Variants in SLC24A3 observed in about 807,000 individuals in gnomAD.
The protein encoded by SLC24A3 is solute carrier family 24 member 3, also known as sodium/potassium/calcium exchanger 3.
A neutral mutation model predicts 75.8 loss-of-function variants in SLC24A3; 28 were observed. The ratio of observed to expected loss-of-function variants is 0.37; its 90% CI spans 0.27 to 0.51. The LOEUF is 0.51. SLC24A3 is among the 20% of genes least tolerant of loss of function. The pLI, the probability that SLC24A3 is intolerant of heterozygous loss-of-function variation, is 0.94. For synonymous variants in SLC24A3, 372 were observed against 334.1 expected (o/e 1.11, Z -1.24); for missense variants, 663 against 847.8 (o/e 0.78, Z 2.71).
intron 15 of SLC24A3, among the ~76,000 whole-genome samples, chr20:19,702,102 T>C (rs1408279034): frequency 6.6e-6 from 1 of 152,226 alleles, no homozygotes; most frequent in South Asian, 2.1e-4. Flanking sequence ...TGACTAGACA[T>C]GGATATCAGG....
At chr20:19,249,366 C>T (rs1353998967) in intron 1 of SLC24A3, among the ~76,000 whole-genome samples, 1 of 152,176 alleles carries the variant, frequency 6.6e-6, no homozygotes. Context: ...GAAATATCTT[C>T]AAGCATTTCT....
intron 6 of SLC24A3, among the ~76,000 whole-genome samples, chr20:19,627,549 A>G (rs1349718438): frequency 1.3e-5 from 2 of 148,914 alleles, no homozygotes; most frequent in Non-Finnish European, 2.9e-5. Context: ...GATGGGGGGA[A>G]AAAAAGGCAC....
At chr20:19,316,528 A>G (rs1984592203) in intron 2 of SLC24A3, among the ~76,000 whole-genome samples, 2 of 152,232 alleles carry the variant, frequency 1.3e-5, no homozygotes, top group Non-Finnish European at 2.9e-5. Context: ...AGTCAAATAA[A>G]AAAATCCAAT....
At chr20:19,408,089 A>G (rs1035573802) in intron 2 of SLC24A3, among the ~76,000 whole-genome samples, 1 of 152,208 alleles carries the variant, frequency 6.6e-6, no homozygotes, top group Non-Finnish European at 1.5e-5. Flanking sequence ...GTGGGAATAA[A>G]ATGTTGAGTA....
chr20:19,569,605 C>T (rs1600284352), intron 3 of SLC24A3, among the ~76,000 whole-genome samples: 1 of 152,294 alleles, frequency 6.6e-6, no homozygotes, highest in Non-Finnish European at 1.5e-5. Flanking sequence ...TAGCTTTCAC[C>T]TCAACTGATG....
At chr20:19,422,491 A>T (rs1367207780) in intron 2 of SLC24A3, among the ~76,000 whole-genome samples, 1 of 152,072 alleles carries the variant, frequency 6.6e-6, no homozygotes, top group Non-Finnish European at 1.5e-5. Context: ...GCTGTCAGGA[A>T]CCTGGCTTCT....
At chr20:19,300,966 C>T (rs1984181456) in intron 2 of SLC24A3, among the ~76,000 whole-genome samples, 3 of 152,178 alleles carry the variant, frequency 2.0e-5, no homozygotes, top group South Asian at 2.1e-4. Context: ...GTTGTCCCCA[C>T]GTGCTGTGCC....
chr20:19,328,843 T>G (rs968150013), intron 2 of SLC24A3, among the ~76,000 whole-genome samples: 4 of 152,044 alleles, frequency 2.6e-5, no homozygotes, highest in African/African-American at 9.7e-5. Context: ...AGCCATGAAG[T>G]GGAGGGGATT....
At chr20:19,292,864 C>A (rs1002325925) in intron 2 of SLC24A3, among the ~76,000 whole-genome samples, 1 of 152,220 alleles carries the variant, frequency 6.6e-6, no homozygotes, top group Non-Finnish European at 1.5e-5. Context: ...TGGTGAGGAC[C>A]TGTTTCCTGG....
intron 2 of SLC24A3, among the ~76,000 whole-genome samples, chr20:19,456,371 G>A (rs1016374344): frequency 3.9e-5 from 6 of 152,106 alleles, no homozygotes; most frequent in African/African-American, 4.8e-5. Flanking sequence ...TACTGTTCTC[G>A]TGGTAGTGAA....
At chr20:19,430,665 TACTC>T (rs1215433191) in intron 2 of SLC24A3, among the ~76,000 whole-genome samples, 4 of 152,112 alleles carry the variant, frequency 2.6e-5, no homozygotes, top group Admixed American at 6.5e-5. Context: ...TGTGACCACA[TACTC>T]ACACACACAT....
At chr20:19,365,372 C>T (rs188391431) in intron 2 of SLC24A3, among the ~76,000 whole-genome samples, 2 of 152,254 alleles carry the variant, frequency 1.3e-5, no homozygotes, top group Admixed American at 6.5e-5. Context: ...TCCAGGTGAG[C>T]CTGGTTCTAG....
At chr20:19,342,852 C>T (rs896787025) in intron 2 of SLC24A3, among the ~76,000 whole-genome samples, 4 of 151,822 alleles carry the variant, frequency 2.6e-5, no homozygotes, top group Non-Finnish European at 2.9e-5. Context: ...AGGAGGATCA[C>T]GAGGTGAGGA....
rs143132470 is a variant in SLC24A3 at position 19,555,676 on chromosome 20, G to A, written c.349-24324G>A. Among the ~76,000 whole-genome samples, 662 of 152,250 alleles carry A rather than the reference G, an allele frequency of 4.3e-3. 5 individuals are homozygous for A. Among genetic ancestry groups the A allele is most frequent in the Non-Finnish European group, 7.0e-3 (474 of 68,002 alleles). ...ATTTGAAGACGATTAACAGAACAGA[G>A]CATCGTAAAACCAGTTCCCTTATTT... On this transcript the variant is annotated intron_variant, in intron 3 of 16. Transcript: ENST00000328041.
chr20:19,656,565 C>T (rs2032269186), intron 7 of SLC24A3, among the ~76,000 whole-genome samples: 2 of 152,230 alleles, frequency 1.3e-5, no homozygotes, highest in South Asian at 2.1e-4. Context: ...CCCACACTGA[C>T]TGTGTGCACT....
At chr20:19,397,091 T>G (rs983095380) in intron 2 of SLC24A3, among the ~76,000 whole-genome samples, 19 of 152,372 alleles carry the variant, frequency 1.2e-4, no homozygotes, top group Admixed American at 1.1e-3. Flanking sequence ...TAAATGTGTT[T>G]GTATATGCGT....
At chr20:19,560,805 T>C (rs956738708) in intron 3 of SLC24A3, among the ~76,000 whole-genome samples, 1 of 152,214 alleles carries the variant, frequency 6.6e-6, no homozygotes, top group Non-Finnish European at 1.5e-5. Flanking sequence ...CTTTCATCCT[T>C]CTGTTCCATT....
intron 3 of SLC24A3, among the ~76,000 whole-genome samples, chr20:19,522,659 C>G (rs2030121204): frequency 6.6e-6 from 1 of 152,226 alleles, no homozygotes; most frequent in African/African-American, 2.4e-5. Context: ...TGTCACAGGG[C>G]CAGAGCCCAA....
At chr20:19,360,781 T>C (rs1312496507) in intron 2 of SLC24A3, among the ~76,000 whole-genome samples, 1 of 152,216 alleles carries the variant, frequency 6.6e-6, no homozygotes, top group Non-Finnish European at 1.5e-5. Context: ...TTATCTTTCT[T>C]CTCAATCCAA....
Sources: allele counts gnomAD v4.1 joint callset (sites outside exome capture counted in the v4.1 genomes callset), GRCh38; gene constraint gnomAD v4.1.1; transcripts MANE v1.5; gene names NCBI Gene and HGNC (gene_info 2026-07-23, HGNC 2026-07-21).